LAMA3: variants seen among roughly 807,000 people sequenced by gnomAD.
LAMA3 encodes the protein laminin subunit alpha-3.
A neutral mutation model predicts 402.0 loss-of-function variants in LAMA3; 281 were observed. The observed-to-expected ratio is 0.70, with a 90% CI of 0.63 to 0.77. The LOEUF is 0.77. Ranked by LOEUF, LAMA3 falls within the 30% of genes least tolerant of loss-of-function variation. LAMA3 has a pLI of 0.00. For missense variants in LAMA3, 3,840 were observed against 4,215.5 expected, an observed-to-expected ratio of 0.91 and a Z score of 2.47; for synonymous variants, 1,431 against 1,558.4, an observed-to-expected ratio of 0.92 and a Z score of 1.93.
At chr18:23,899,174 T>C in intron 46 of LAMA3, 109 bp downstream of exon 46, 1 of 1,277,500 alleles carries the variant, frequency 7.8e-7, no homozygotes, top group South Asian at 1.3e-5. Context: ...AATCCCATAG[T>C]GATACTAAAA....
intron 69 of LAMA3, among the ~76,000 whole-genome samples, chr18:23,945,598 T>G (rs1254728752): frequency 6.6e-6 from 1 of 152,160 alleles, no homozygotes; most frequent in African/African-American, 2.4e-5. Flanking sequence ...GGCATATAAA[T>G]GGAAGTGTCC....
intron 23 of LAMA3, among the ~76,000 whole-genome samples, chr18:23,833,338 G>A (rs961317414): frequency 1.3e-5 from 2 of 151,990 alleles, no homozygotes; most frequent in Non-Finnish European, 2.9e-5. Context: ...CTTATCCCAG[G>A]AGCGAGATGT....
intron 54 of LAMA3, among the ~76,000 whole-genome samples, chr18:23,908,428 G>A (rs531052163): frequency 6.6e-6 from 1 of 151,784 alleles, no homozygotes; most frequent in South Asian, 2.1e-4. Context: ...TACTCGGGAG[G>A]CTGAGGCAGG....
At chr18:23,693,997 CT>C (rs35529430) in intron 1 of LAMA3, among the ~76,000 whole-genome samples, 16,808 of 152,116 alleles carry the variant, frequency 0.11, 1,772 homozygotes, top group African/African-American at 0.25. Flanking sequence ...GGCAGGGAGT[CT>C]TTTTCTGCTT....
intron 62 of LAMA3, among the ~76,000 whole-genome samples, chr18:23,927,673 A>C (rs1480063611): frequency 6.6e-6 from 1 of 152,204 alleles, no homozygotes. Context: ...AGTGAACAGA[A>C]AAAAAAGAGC....
chr18:23,781,865 A>G (rs1460308040), intron 11 of LAMA3, among the ~76,000 whole-genome samples: 2 of 152,228 alleles, frequency 1.3e-5, no homozygotes, highest in Non-Finnish European at 2.9e-5. Flanking sequence ...AACAGTCAGT[A>G]TGCTAAAATG....
At chr18:23,921,122 C>A in intron 61 of LAMA3, 68 bp downstream of exon 61, 1 of 1,507,402 alleles carries the variant, frequency 6.6e-7, no homozygotes. Context: ...AAGTCAGTGC[C>A]CCCAAATAAA....
chr18:23,803,600 CCAGT>C (rs760093835), intron 12 of LAMA3, among the ~76,000 whole-genome samples: 13 of 152,334 alleles, frequency 8.5e-5, no homozygotes, highest in Non-Finnish European at 1.9e-4. Context: ...CCCTGGCCAT[CCAGT>C]CAAAGAATTG....
chr18:23,884,902 G>A, intron 41 of LAMA3, 49 bp downstream of exon 41: 3 of 1,460,866 alleles, frequency 2.1e-6, no homozygotes, highest in Non-Finnish European at 2.8e-6. Flanking sequence ...GGCGGGGAGG[G>A]CTGTGGGTGG....
intron 47 of LAMA3, 106 bp from the exon 48 acceptor site, chr18:23,901,021 G>A (rs1018965478): frequency 9.6e-7 from 1 of 1,040,002 alleles, no homozygotes; most frequent in Non-Finnish European, 1.5e-6. Context: ...AAAGTTCAAG[G>A]AAAACCATGA....
intron 42 of LAMA3, among the ~76,000 whole-genome samples, chr18:23,890,928 C>A (rs1220991688): frequency 6.6e-6 from 1 of 152,152 alleles, no homozygotes; most frequent in Non-Finnish European, 1.5e-5. Flanking sequence ...GCATGCCTAC[C>A]CATTTATCAG....
intron 2 of LAMA3, among the ~76,000 whole-genome samples, chr18:23,732,447 C>G (rs1033282622): frequency 1.3e-5 from 2 of 152,174 alleles, no homozygotes; most frequent in Non-Finnish European, 2.9e-5. Context: ...CCAGCTAACT[C>G]TTTCCATTCC....
intron 11 of LAMA3, among the ~76,000 whole-genome samples, chr18:23,780,713 G>A (rs1423896615): frequency 6.6e-6 from 1 of 152,184 alleles, no homozygotes; most frequent in African/African-American, 2.4e-5. Flanking sequence ...CAGGTGACAG[G>A]AAAGCATCTT....
chr18:23,753,316 A>AT (rs2061785602), intron 5 of LAMA3, among the ~76,000 whole-genome samples: 1 of 152,230 alleles, frequency 6.6e-6, no homozygotes, highest in Admixed American at 6.5e-5. Flanking sequence ...CAAGTGCAAC[A>AT]TTTTTTGGTA....
In LAMA3 at chr18:23,822,352, A is replaced by G. The variant is rs1467030063; in HGVS notation, c.2405A>G (p.His802Arg). The G allele has an allele frequency of 8.7e-6, 14 of 1,613,832 alleles. No individual in the cohort carries two copies. Among genetic ancestry groups the G allele is most frequent in the East Asian group, 4.5e-5 (2 of 44,898 alleles). ...VNPGTEAVSGHITIYPSWGAA... is the reference protein window; with the variant it reads ...VNPGTEAVSGRITIYPSWGAA... ...CCTGGAACTGAAGCAGTATCTGGCC[A>G]TATAACTATTTATCCATCCTGGGGT... Residue 802 changes from histidine (H) to arginine (R), a missense_variant, in exon 20 of 75, where the codon CAT (histidine) becomes CGT (arginine). This residue lies in a region of LAMA3 where 2,109 missense variants were observed against 2,376.0 expected (regional missense o/e 0.89). Coordinates refer to ENST00000313654, the MANE Select transcript of LAMA3 (RefSeq NM_198129.4).
At position 23,951,789 on chromosome 18, in the gene LAMA3, A is replaced by G; in HGVS notation, c.9736+12A>G. The G allele has an allele frequency of 1.3e-6, 2 of 1,599,488 alleles. No homozygotes were observed. Among genetic ancestry groups the G allele is most frequent in the South Asian group, 1.1e-5 (1 of 90,606 alleles). On this transcript the variant is annotated intron_variant, in intron 73 of 74. Transcript: ENST00000313654. ...GCACTCGGTGGCAGGTATGTTGTCC[A>G]GTAGCTGATTGTTCATGCACTAAAA... is the stretch of plus-strand genomic sequence containing the variant.
chr18:23,699,941 A>G (rs1428806042), intron 1 of LAMA3, among the ~76,000 whole-genome samples: 1 of 152,210 alleles, frequency 6.6e-6, no homozygotes, highest in Non-Finnish European at 1.5e-5. Flanking sequence ...TCTTGAGAAC[A>G]AAGGCATTCC....
intron 13 of LAMA3, among the ~76,000 whole-genome samples, chr18:23,811,125 G>A (rs1319661757): frequency 1.3e-5 from 2 of 152,152 alleles, no homozygotes; most frequent in African/African-American, 2.4e-5. Context: ...GCTGTGGGAC[G>A]TGGTTGGTAT....
chr18:23,833,762 T>C, intron 23 of LAMA3, 66 bp from the exon 24 acceptor site: 1 of 1,567,930 alleles, frequency 6.4e-7, no homozygotes, highest in Non-Finnish European at 8.8e-7. Flanking sequence ...TCACCATTGC[T>C]GATGCAAGTG....
Sources: gnomAD v4.1 joint callset for allele counts (sites outside exome capture counted in the v4.1 genomes callset) on GRCh38, gnomAD v4.1.1 for gene constraint, gnomAD v4.1.1 regional missense constraint, MANE v1.5 for transcripts, NCBI Gene and HGNC (gene_info 2026-07-23, HGNC 2026-07-21) for gene names.